Variants in SETD5 observed in about 807,000 individuals in gnomAD.
SETD5 encodes the protein histone-lysine N-methyltransferase SETD5.
Under a neutral mutation model 153.3 loss-of-function variants are expected in SETD5, and 44 were observed. The ratio of observed to expected loss-of-function variants is 0.29; its 90% CI spans 0.23 to 0.37. The LOEUF (loss-of-function observed/expected upper bound fraction) is 0.37. Among genes scored for constraint, SETD5 ranks in the 10% least tolerant of loss-of-function variants. SETD5 has a pLI of 1.00. For synonymous variants in SETD5, 716 were observed against 645.2 expected, an observed-to-expected ratio of 1.11 and a Z score of -1.66; for missense variants, 1,544 against 1,768.0, an observed-to-expected ratio of 0.87 and a Z score of 2.27.
chr3:9,462,464 G>A (rs912817375), intron 17 of SETD5, among the ~76,000 whole-genome samples: 1 of 151,614 alleles, frequency 6.6e-6, no homozygotes, highest in Non-Finnish European at 1.5e-5. Context: ...GCGAGCACCT[G>A]TAGTCCCAGC....
Position 9,434,794 on chromosome 3 carries a change from G to A in SETD5, c.330-30G>A, listed in dbSNP as rs1296541618. ...ATGATGTGATGCATGCTGTTGGAAG[G>A]ACTACTTTAAGTTTATTTTCCCTCT... is the stretch of plus-strand genomic sequence containing the variant. On this transcript the variant is annotated intron_variant, in intron 5 of 22. Coordinates refer to ENST00000402198, the MANE Select transcript of SETD5 (RefSeq NM_001080517.3). The surrounding 1 kb of genome is among the most constrained non-coding windows in gnomAD (Gnocchi z 5.6). 1 of 1,603,912 alleles carries A rather than the reference G, an allele frequency of 6.2e-7. No individual in the cohort carries two copies. Among genetic ancestry groups the A allele is most frequent in the Non-Finnish European group, 8.5e-7 (1 of 1,175,248 alleles).
At chr3:9,427,340 C>A (rs1277475924) in intron 2 of SETD5, among the ~76,000 whole-genome samples, 1 of 152,148 alleles carries the variant, frequency 6.6e-6, no homozygotes, top group Admixed American at 6.5e-5. Context: ...CACCGGAGGT[C>A]AGGAGTTCAA....
intron 17 of SETD5, among the ~76,000 whole-genome samples, chr3:9,454,282 CAATT>C (rs1466383987): frequency 2.6e-5 from 4 of 152,030 alleles, no homozygotes; most frequent in South Asian, 2.1e-4. Context: ...AAATTATTAT[CAATT>C]GATTGTTTTC....
At chr3:9,400,540 G>A (rs2034598837) in intron 1 of SETD5, among the ~76,000 whole-genome samples, 1 of 152,086 alleles carries the variant, frequency 6.6e-6, no homozygotes, top group South Asian at 2.1e-4. Context: ...TACTAAGCTT[G>A]AACTCTTAAA....
chr3:9,410,126 AC>A (rs2036326538), intron 1 of SETD5, among the ~76,000 whole-genome samples: 1 of 152,258 alleles, frequency 6.6e-6, no homozygotes, highest in Non-Finnish European at 1.5e-5. Flanking sequence ...CCTAGATGGT[AC>A]ACCTAAGCTA....
intron 13 of SETD5, 82 bp downstream of exon 13, chr3:9,445,822 G>C: frequency 1.1e-6 from 1 of 920,808 alleles, no homozygotes; most frequent in Non-Finnish European, 1.6e-6. Flanking sequence ...TCTTGACTTT[G>C]TATCATCTCA....
chr3:9,464,221 G>A (rs1014422522), intron 17 of SETD5, among the ~76,000 whole-genome samples: 7 of 152,182 alleles, frequency 4.6e-5, no homozygotes, highest in African/African-American at 1.7e-4. Context: ...CCTGGAGTTT[G>A]GGAGATAGAA....
intron 1 of SETD5, among the ~76,000 whole-genome samples, chr3:9,419,216 C>G (rs1288945106): frequency 6.6e-6 from 1 of 152,204 alleles, no homozygotes. Context: ...GTTGCCTACC[C>G]TTTTCTACTT....
rs751310320 is a variant in SETD5 at position 9,448,452 on chromosome 3, T to C, written c.2168T>C (p.Leu723Ser). 6.2e-7 allele frequency: 1 copy of C among 1,614,020 alleles called. No individual in the cohort carries two copies. The highest frequency in any genetic ancestry group is 8.5e-7 in the Non-Finnish European group (1 of 1,179,898). The change falls in exon 16 of 23, where the codon TTA becomes TCA. Residue 723 changes from leucine (L) to serine (S), a missense_variant. This residue lies in a region of SETD5 where 782 missense variants were observed against 787.2 expected (regional missense o/e 0.99). Coordinates refer to ENST00000402198, the MANE Select transcript of SETD5 (RefSeq NM_001080517.3). ...CAAGAGTGCCCTGTTGAGTGCCCTT[T>C]ACGTATCACAACGGATCCAACTGTA... ...EKQECPVECPLRITTDPTVLA... is the reference protein window; with the variant it reads ...EKQECPVECPSRITTDPTVLA...
chr3:9,459,301 A>G (rs1029465872), intron 17 of SETD5, among the ~76,000 whole-genome samples: 11 of 152,194 alleles, frequency 7.2e-5, no homozygotes, highest in African/African-American at 1.9e-4. Flanking sequence ...GGAATGGTAG[A>G]ATTTGTAATT....
At chr3:9,399,828 A>C (rs2034455435) in intron 1 of SETD5, among the ~76,000 whole-genome samples, 1 of 7,898 alleles carries the variant, frequency 1.3e-4, no homozygotes, top group Non-Finnish European at 3.4e-4. Context: ...GCACTGGTCC[A>C]AAAAAAAAAA....
At position 9,433,583 on chromosome 3, in the gene SETD5, A is replaced by G; in HGVS notation, c.72-262A>G. On this transcript the variant is annotated intron_variant, in intron 3 of 22. Transcript: ENST00000402198. Reference sequence around the variant, plus strand: ...AGCTGGTACGTTTGTGTTTGTCATTAGGGACACCTTGTATCTCAGGTGCCT... The same window carrying G: ...AGCTGGTACGTTTGTGTTTGTCATTGGGGACACCTTGTATCTCAGGTGCCT... 4 of 1,289,448 alleles carry G rather than the reference A, an allele frequency of 3.1e-6. No individual in the cohort carries two copies. In the South Asian group the frequency reaches 3.9e-5, roughly 12 times the overall value. 79.9% of individuals were successfully genotyped at this position (1,289,448 alleles called of 1,614,324 possible). A position where few individuals can be genotyped will look rare whatever the true frequency, so the allele number is the denominator to read the frequency against.
In SETD5 at chr3:9,433,934, G is replaced by A. The variant is rs763773124; in HGVS notation, c.161G>A (p.Arg54Gln). Residue 54 changes from arginine to glutamine, a missense_variant, in exon 4 of 23, where the codon CGA (arginine) becomes CAA (glutamine). Arg to Gln is a conservative substitution (Grantham distance 43, BLOSUM62 1). Around this residue, in one of 9 missense-constraint regions of SETD5, gnomAD observed 251 missense variants for 326.9 expected, o/e 0.77. Coordinates refer to ENST00000402198, the MANE Select transcript of SETD5 (RefSeq NM_001080517.3). ...NYGTTQRHGC[R>Q]GLPYATIIPR... ...GGGACCACTCAGAGGCATGGGTGTC[G>A]AGGACTGCCTTATGCTGTGAGTATG... The A allele has an allele frequency of 7.4e-6, 12 of 1,613,760 alleles. No homozygotes were observed. Among genetic ancestry groups the A allele is most frequent in the Admixed American group, 1.7e-5 (1 of 60,008 alleles).
chr3:9,401,693 A>C (rs755204778), intron 1 of SETD5, among the ~76,000 whole-genome samples: 9 of 152,248 alleles, frequency 5.9e-5, no homozygotes, highest in Admixed American at 3.9e-4. Flanking sequence ...TATTGGATAC[A>C]TTTTATCAGA....
intron 1 of SETD5, among the ~76,000 whole-genome samples, chr3:9,412,251 T>C (rs1213466758): frequency 6.6e-6 from 1 of 152,058 alleles, no homozygotes; most frequent in Non-Finnish European, 1.5e-5. Flanking sequence ...TGTAGAGTGC[T>C]ATAAGGAATT....
chr3:9,467,199 CAAAA>C (rs35894304), intron 18 of SETD5, among the ~76,000 whole-genome samples: 36 of 40,870 alleles, frequency 8.8e-4, no homozygotes, highest in African/African-American at 2.3e-3. Flanking sequence ...GACTCTCTCT[CAAAA>C]AAAAAAAAAA....
chr3:9,451,376 G>GC (rs1419607977), intron 16 of SETD5, among the ~76,000 whole-genome samples: 2 of 152,146 alleles, frequency 1.3e-5, no homozygotes, highest in Non-Finnish European at 2.9e-5. Flanking sequence ...ATATCCAGAA[G>GC]CTTTGTCTCA....
At chr3:9,429,708 T>C in intron 3 of SETD5, 1 of 475,468 alleles carries the variant, frequency 2.1e-6, no homozygotes, top group Non-Finnish European at 3.3e-6. Context: ...TTATTCACAG[T>C]TTTAAAATTT....
Position 9,476,873 on chromosome 3 carries a change from AAAG to A in SETD5, c.*783_*785del, listed in dbSNP as rs1179971574. On this transcript the variant is annotated 3_prime_UTR_variant, in exon 23 of 23. Transcript: ENST00000402198. ...TAACCCATGAAGTAAGTAGACAAGA[AAAG>A]GAGGAATGAGACATGATATAGGCCA... 8 of 152,796 alleles carry A rather than the reference AAAG, an allele frequency of 5.2e-5. No homozygotes were observed. The East Asian group carries it at 1.5e-3, about 29-fold the overall frequency. The allele number at this position is 152,796 out of a possible 1,614,324, so 9.5% of individuals were successfully genotyped here.
Sources: allele counts gnomAD v4.1 joint callset (sites outside exome capture counted in the v4.1 genomes callset), GRCh38; gene constraint gnomAD v4.1.1; regional missense constraint gnomAD v4.1.1; non-coding constraint Gnocchi (gnomAD v3.1); transcripts MANE v1.5; gene names NCBI Gene and HGNC (gene_info 2026-07-23, HGNC 2026-07-21).